Variants in AFF2 observed in about 807,000 individuals in gnomAD.
The protein encoded by AFF2 is ALF transcription elongation factor 2, also known as AF4/FMR2 family member 2.
A neutral mutation model predicts 76.9 loss-of-function variants in AFF2; 14 were observed. That is an observed-to-expected ratio of 0.18 (90% CI 0.12 to 0.28). The LOEUF (loss-of-function observed/expected upper bound fraction) is 0.28. Among genes scored for constraint, AFF2 ranks in the 10% least tolerant of loss-of-function variants. The pLI, the probability that AFF2 is intolerant of heterozygous loss-of-function variation, is 1.00. For synonymous variants in AFF2, 398 were observed against 366.7 expected, an observed-to-expected ratio of 1.09 and a Z score of -0.98; for missense variants, 868 against 1,001.1, an observed-to-expected ratio of 0.87 and a Z score of 1.79.
chrX:148,760,900 A>G (rs1490044287), intron 3 of AFF2, among the ~76,000 whole-genome samples: 1 of 112,048 alleles, frequency 8.9e-6, no homozygotes, highest in African/African-American at 3.2e-5. Flanking sequence ...TGCCAAGTCT[A>G]AAAATATTGA....
chrX:148,609,966 G>A lies in AFF2; in HGVS notation c.48-42033G>A, dbSNP rs781964756. ...AGGGAAAGAGTGAGTGCAAAGCAGAGCCTGTGAAAGCTTTTGGCTTTCCCT... is the reference window on the plus strand; with the variant it reads ...AGGGAAAGAGTGAGTGCAAAGCAGAACCTGTGAAAGCTTTTGGCTTTCCCT... On this transcript the variant is annotated intron_variant, in intron 1 of 20. Coordinates refer to ENST00000370460, the MANE Select transcript of AFF2 (RefSeq NM_002025.4). Among the ~76,000 whole-genome samples, 158 of 111,255 alleles carry A rather than the reference G, an allele frequency of 1.4e-3. 2 individuals are homozygous for A. Among genetic ancestry groups the A allele is most frequent in the African/African-American group, 5.1e-3 (157 of 30,682 alleles).
chrX:148,615,723 CA>C (rs1557250236), intron 1 of AFF2, among the ~76,000 whole-genome samples: 1 of 111,498 alleles, frequency 9.0e-6, no homozygotes, highest in African/African-American at 3.3e-5. Context: ...CCAATTAAGA[CA>C]TTCTTGTGTT....
chrX:148,784,554 C>G (rs1169831405), intron 3 of AFF2, among the ~76,000 whole-genome samples: 1 of 111,444 alleles, frequency 9.0e-6, no homozygotes, highest in African/African-American at 3.3e-5. Flanking sequence ...GAAGCGTTCC[C>G]CAGTACCTAA....
intron 9 of AFF2, among the ~76,000 whole-genome samples, chrX:148,918,363 C>T (rs1423709230): frequency 1.8e-5 from 2 of 111,773 alleles, no homozygotes; most frequent in Non-Finnish European, 3.8e-5. Flanking sequence ...TAACAGATAA[C>T]TCTTTAACAT....
At chrX:148,514,319 T>C (rs1271722269) in intron 1 of AFF2, among the ~76,000 whole-genome samples, 4 of 112,684 alleles carry the variant, frequency 3.5e-5, no homozygotes, top group Non-Finnish European at 5.6e-5. Flanking sequence ...TTTCTTTCCT[T>C]TTATTCCCAC....
intron 3 of AFF2, among the ~76,000 whole-genome samples, chrX:148,729,843 A>G (rs1181587094): frequency 1.8e-5 from 2 of 111,849 alleles, no homozygotes; most frequent in Non-Finnish European, 3.8e-5. Flanking sequence ...TCAACTTTCC[A>G]CTTTGCTATG....
At chrX:148,894,943 AG>A (rs1256914245) in intron 8 of AFF2, among the ~76,000 whole-genome samples, 7 of 111,299 alleles carry the variant, frequency 6.3e-5, no homozygotes, top group African/African-American at 2.3e-4. Context: ...GCCATAAAAG[AG>A]TATAAAATCC....
intron 7 of AFF2, among the ~76,000 whole-genome samples, chrX:148,866,704 G>T (rs2070911320): frequency 8.9e-6 from 1 of 112,617 alleles, no homozygotes; most frequent in Admixed American, 9.4e-5. Flanking sequence ...TATGCTTTAA[G>T]TTTCTGCAAA....
chrX:148,861,187 T>A (rs192536480), intron 7 of AFF2, among the ~76,000 whole-genome samples: 1 of 111,942 alleles, frequency 8.9e-6, no homozygotes, highest in African/African-American at 3.2e-5. Context: ...TGTGCTTTTT[T>A]AAAAGTTACT....
intron 1 of AFF2, among the ~76,000 whole-genome samples, chrX:148,628,272 C>A (rs1557252387): frequency 3.6e-5 from 4 of 110,434 alleles, no homozygotes; most frequent in Admixed American, 9.7e-5. Context: ...TATATATTTT[C>A]TATTATATAT....
chrX:148,837,727 A>G lies in AFF2; in HGVS notation c.1167A>G (p.Pro389=). The change falls in exon 5 of 21, where the codon CCA becomes CCG. Residue 389 remains proline (P), a synonymous_variant. Transcript: ENST00000370460. ...CTGAGCAGAGCACCTTTTCCATCCC[A>G]GGACAGGTCAGTTCTCTTCCTTCCT... The part of the protein sequence containing the change: ...GHSEQSTFSI[P]GQESQHLTPG... 8.6e-7 allele frequency: 1 copy of G among 1,164,020 alleles called. No individual in the cohort carries two copies. Among genetic ancestry groups the G allele is most frequent in the Non-Finnish European group, 1.2e-6 (1 of 854,370 alleles).
intron 10 of AFF2, 104 bp downstream of exon 10, chrX:148,953,843 C>A: frequency 1.5e-6 from 1 of 666,228 alleles, no homozygotes; most frequent in African/African-American, 2.3e-5. Flanking sequence ...ACACTTTCAG[C>A]ACAATAATTA....
In AFF2 at chrX:148,704,302, ATATATATGTGTGTATATATATATT is replaced by A. The variant is rs1557262143; in HGVS notation, c.1041+41542_1041+41565del. Among the ~76,000 whole-genome samples, 253 of 92,549 alleles carry A rather than the reference ATATATATGTGTGTATATATATATT, an allele frequency of 2.7e-3. 1 individual carries two copies. The highest frequency in any genetic ancestry group is 5.5e-3 in the Middle Eastern group (1 of 182). 80.4% of individuals were successfully genotyped at this position (92,549 alleles called of 115,157 possible). A position where few individuals can be genotyped will look rare whatever the true frequency, so the allele number is the denominator to read the frequency against. ...TATATATGTGTGTATATATATATTT[ATATATATGTGTGTATATATATATT>A]TATATATATGTGTGTATATATATAT... On this transcript the variant is annotated intron_variant, in intron 3 of 20. Coordinates refer to ENST00000370460, the MANE Select transcript of AFF2 (RefSeq NM_002025.4).
chrX:148,921,568 G>A (rs1303631316), intron 9 of AFF2, among the ~76,000 whole-genome samples: 1 of 112,199 alleles, frequency 8.9e-6, no homozygotes, highest in African/African-American at 3.2e-5. Flanking sequence ...CCATGTTTTA[G>A]CATGGGTTAG....
At chrX:148,983,254 A>G (rs2072417364) in intron 19 of AFF2, among the ~76,000 whole-genome samples, 1 of 112,307 alleles carries the variant, frequency 8.9e-6, no homozygotes, top group African/African-American at 3.2e-5. Flanking sequence ...CATGGATGGC[A>G]GGACTTTGAG....
intron 1 of AFF2, among the ~76,000 whole-genome samples, chrX:148,560,599 C>G (rs781929339): frequency 9.0e-6 from 1 of 111,488 alleles, no homozygotes; most frequent in South Asian, 3.8e-4. Context: ...AACAGGCAAC[C>G]TACAGAATGG....
At chrX:148,525,204 C>A (rs2052645345) in intron 1 of AFF2, among the ~76,000 whole-genome samples, 1 of 111,565 alleles carries the variant, frequency 9.0e-6, no homozygotes. Flanking sequence ...GTTAGAGCCA[C>A]CAGTTTGCTG....
intron 8 of AFF2, among the ~76,000 whole-genome samples, chrX:148,893,013 G>A (rs1010868853): frequency 8.9e-6 from 1 of 111,949 alleles, no homozygotes; most frequent in African/African-American, 3.2e-5. Flanking sequence ...GTCTTTTAAT[G>A]TAAACAGTTT....
chrX:148,702,973 C>T (rs1380946333), intron 3 of AFF2, among the ~76,000 whole-genome samples: 1 of 111,972 alleles, frequency 8.9e-6, no homozygotes, highest in Admixed American at 9.5e-5. Context: ...CTATTAGGCT[C>T]AGGAAGAAAA....
Sources: gnomAD v4.1 joint callset for allele counts (sites outside exome capture counted in the v4.1 genomes callset) on GRCh38, gnomAD v4.1.1 for gene constraint, MANE v1.5 for transcripts, NCBI Gene and HGNC (gene_info 2026-07-23, HGNC 2026-07-21) for gene names.